The following GEMIN4 variants were observed in gnomAD, a reference collection of about 807,000 sequenced individuals.
The protein encoded by GEMIN4 is gem-associated protein 4.
Under a neutral mutation model 76.8 loss-of-function variants are expected in GEMIN4, and 59 were observed. The observed-to-expected ratio is 0.77, with a 90% CI of 0.62 to 0.95. The LOEUF is 0.95. GEMIN4 is among the 40% of genes least tolerant of loss of function. GEMIN4 has a pLI of 0.00. For synonymous variants in GEMIN4, 562 were observed against 559.7 expected, an observed-to-expected ratio of 1.00 and a Z score of -0.06; for missense variants, 1,311 against 1,318.9, an observed-to-expected ratio of 0.99 and a Z score of 0.09.
Position 747,730 on chromosome 17 carries a change from G to A in GEMIN4, c.313C>T (p.Pro105Ser). The change falls in exon 2 of 2, where the codon CCC becomes TCC. Residue 105 changes from proline to serine, a missense_variant. Physicochemically the swap from Pro to Ser is moderately conservative, Grantham distance 74 (BLOSUM62 -1). Around this residue, in one of 2 missense-constraint regions of GEMIN4, gnomAD observed 103 missense variants for 152.0 expected, o/e 0.68. Transcript: ENST00000319004. ...AAGAGGATGGTGTGGTTGATGGTGG[G>A]GATCATGTTGCCCACCGAGAAGAAC... ...DLFFSVGNMIPTINHTILFEL... is the reference protein window; with the variant it reads ...DLFFSVGNMISTINHTILFEL... 1 of 1,597,562 alleles carries A rather than the reference G, an allele frequency of 6.3e-7. No individual in the cohort carries two copies. Among genetic ancestry groups the A allele is most frequent in the South Asian group, 1.1e-5 (1 of 90,128 alleles).
Position 752,130 on chromosome 17 carries a change from C to A in GEMIN4, c.10+3G>T. ...CCCGGGGCCGGGGAGCCGCGGCACC[C>A]ACCTAGGTCCATGGCGGCGACGCCG... On this transcript the variant is annotated splice_donor_region_variant and intron_variant, in intron 1 of 1. Transcript: ENST00000319004. 2.4e-6 allele frequency: 3 copies of A among 1,239,462 alleles called. No individual in the cohort carries two copies. Among genetic ancestry groups the A allele is most frequent in the South Asian group, 8.0e-5 (2 of 24,936 alleles). 76.8% of individuals were successfully genotyped at this position (1,239,462 alleles called of 1,614,324 possible). A position where few individuals can be genotyped will look rare whatever the true frequency, so the allele number is the denominator to read the frequency against.
chr17:746,376 T>C lies in GEMIN4; in HGVS notation c.1667A>G (p.His556Arg), dbSNP rs200190989. 3.0e-3 allele frequency: 4,770 copies of C among 1,613,714 alleles called. 126 individuals carry two copies. The South Asian group carries it at 0.046, about 16-fold the overall frequency. The stretch of plus-strand genomic sequence containing the variant: ...CATTTTCTTCACCGTGACTTCCGGG[T>C]GCACTATGACCAGGCGGGCCACGGA... ...VASVARLVIV[H>R]PEVTVKKMCS... The change falls in exon 2 of 2, where the codon CAC (histidine) becomes CGC (arginine). Residue 556 changes from histidine to arginine, a missense_variant. Physicochemically the swap from His to Arg is conservative, Grantham distance 29. This residue lies in a region of GEMIN4 where 1,208 missense variants were observed against 1,166.9 expected (regional missense o/e 1.04). Coordinates refer to ENST00000319004, the MANE Select transcript of GEMIN4 (RefSeq NM_015721.3). The surrounding 1 kb of genome is among the most constrained non-coding windows in gnomAD (Gnocchi z 4.3).
upstream of GEMIN4, chr17:752,306 C>T (rs1461119171): frequency 1.6e-6 from 2 of 1,223,630 alleles, no homozygotes; most frequent in Admixed American, 4.3e-5. Context: ...CCGCCGCGCA[C>T]GCGCAGTCCT....
chr17:752,163 C>G lies in GEMIN4; in HGVS notation c.-21G>C. On this transcript the variant is annotated 5_prime_UTR_variant, in exon 1 of 2. Transcript: ENST00000319004. Reference sequence around the variant, plus strand: ...TCCATGGCGGCGACGCCGGCGGCTGCGCGGGGCTAACGCCCCCTCCCCTCC... The same window carrying G: ...TCCATGGCGGCGACGCCGGCGGCTGGGCGGGGCTAACGCCCCCTCCCCTCC... The G allele has an allele frequency of 8.1e-7, 1 of 1,234,250 alleles. No individual in the cohort carries two copies. The highest frequency in any genetic ancestry group is 1.0e-6 in the Non-Finnish European group (1 of 988,346). 76.5% of individuals were successfully genotyped at this position (1,234,250 alleles called of 1,614,324 possible). A position where few individuals can be genotyped will look rare whatever the true frequency, so the allele number is the denominator to read the frequency against.
At position 746,647 on chromosome 17, in the gene GEMIN4, T is replaced by C; in HGVS notation, c.1396A>G (p.Thr466Ala). The C allele has an allele frequency of 1.2e-6, 2 of 1,613,526 alleles. No homozygotes were observed. The highest frequency in any genetic ancestry group is 1.7e-6 in the Non-Finnish European group (2 of 1,179,846). Residue 466 changes from threonine to alanine, a missense_variant, in exon 2 of 2, where the codon ACA becomes GCA. Thr to Ala is a moderately conservative substitution (Grantham distance 58). Coordinates refer to ENST00000319004, the MANE Select transcript of GEMIN4 (RefSeq NM_015721.3). This position sits in a 1 kb window ranked among gnomAD's most constrained non-coding sequence, Gnocchi z 4.3. ...RLLETVIDVS[T>A]ADRAIPESQI... is the part of the protein sequence containing the mutation. ...GACTCAGGGATGGCTCTGTCAGCTG[T>C]GCTGACGTCTATCACTGTTTCCAGC... is the stretch of plus-strand genomic sequence containing the variant.
At position 748,005 on chromosome 17, in the gene GEMIN4, G is replaced by A. The variant is rs1332174961; in HGVS notation, c.38C>T (p.Thr13Ile). ...LGPLNICEEMTILHGGFLLAE... is the reference protein window; with the variant it reads ...LGPLNICEEMIILHGGFLLAE... ...CAGCAAGAAGCCTCCATGCAGAATA[G>A]TCATTTCTTCACAGATGTTCAAGGG... is the stretch of plus-strand genomic sequence containing the variant. The change falls in exon 2 of 2, where the codon ACT becomes ATT. Residue 13 changes from threonine to isoleucine, a missense_variant. Around this residue, in one of 2 missense-constraint regions of GEMIN4, gnomAD observed 103 missense variants for 152.0 expected, o/e 0.68. Coordinates refer to ENST00000319004, the MANE Select transcript of GEMIN4 (RefSeq NM_015721.3). The A allele has an allele frequency of 6.2e-7, 1 of 1,609,656 alleles. No homozygotes were observed. The highest frequency in any genetic ancestry group is 8.5e-7 in the Non-Finnish European group (1 of 1,178,110).
rs994519552 is a variant in GEMIN4 at position 744,467 on chromosome 17, A to G, written c.*399T>C. ...ATGCTTTTTCCACTCACATGGTTTC[A>G]ACTTTGGGCTTATTTGCCAAAATCT... On this transcript the variant is annotated 3_prime_UTR_variant, in exon 2 of 2. Transcript: ENST00000319004. 1.2e-5 allele frequency: 2 copies of G among 172,116 alleles called. No homozygotes were observed. The highest frequency in any genetic ancestry group is 4.8e-5 in the African/African-American group (2 of 41,866). 10.7% of individuals were successfully genotyped at this position (172,116 alleles called of 1,614,324 possible).
At chr17:748,082 T>C in intron 1 of GEMIN4, 50 bp from the exon 2 acceptor site, 1 of 1,374,664 alleles carries the variant, frequency 7.3e-7, no homozygotes, top group South Asian at 1.4e-5. Context: ...TGTTTCCAGA[T>C]GGCCACTGCT....
chr17:752,621 C>T, upstream of GEMIN4: 1 of 1,005,362 alleles, frequency 9.9e-7, no homozygotes, highest in Non-Finnish European at 1.2e-6. Context: ...CACATACAGT[C>T]CCTCAACGCG....
intron 1 of GEMIN4, chr17:748,540 T>G: frequency 5.6e-6 from 1 of 178,614 alleles, no homozygotes; most frequent in Non-Finnish European, 1.2e-5. Context: ...GCAGAGGATG[T>G]GGGGAGAGGG....
chr17:751,001 G>GT (rs1904649456), intron 1 of GEMIN4, among the ~76,000 whole-genome samples: 3 of 152,364 alleles, frequency 2.0e-5, no homozygotes, highest in African/African-American at 7.2e-5. Context: ...TTGAGCAGAT[G>GT]TTTGGCCCTA....
rs1362273517 is a variant in GEMIN4, at chr17:746,268, T to C, written c.1775A>G (p.Glu592Gly). The C allele has an allele frequency of 6.2e-7, 1 of 1,613,754 alleles. No individual in the cohort carries two copies. The highest frequency in any genetic ancestry group is 1.7e-5 in the Admixed American group (1 of 60,018). ...GGCAGATGAATTGGGACCCTGCTCT[T>C]CCACAAACCTAAGGGCAGGGAAGGC... ...LTAFPALRFV[E>G]EQGPNSSATF... Residue 592 changes from glutamate (E) to glycine (G), a missense_variant, in exon 2 of 2, where the codon GAA becomes GGA. Glu to Gly is a moderately conservative substitution (Grantham distance 98). This residue lies in a region of GEMIN4 where 1,208 missense variants were observed against 1,166.9 expected (regional missense o/e 1.04). Transcript: ENST00000319004. The surrounding 1 kb of genome is among the most constrained non-coding windows in gnomAD (Gnocchi z 4.3).
rs766146852 is a variant in GEMIN4 at position 745,940 on chromosome 17, C to T, written c.2103G>A (p.Leu701=). The stretch of plus-strand genomic sequence containing the variant: ...TGCTGAAGCGGTCCAAGAGCTGGCA[C>T]AAGCTGAAGAGGAGTGGAAACGGGG... ...TCSPFPLLFS[L]CQLLDRFSKY... Residue 701 remains leucine (L), a synonymous_variant, in exon 2 of 2, where the codon TTG becomes TTA. Coordinates refer to ENST00000319004, the MANE Select transcript of GEMIN4 (RefSeq NM_015721.3). This position sits in a 1 kb window ranked among gnomAD's most constrained non-coding sequence, Gnocchi z 4.6. 1.2e-6 allele frequency: 2 copies of T among 1,613,158 alleles called. No homozygotes were observed. The highest frequency in any genetic ancestry group is 8.5e-7 in the Non-Finnish European group (1 of 1,179,852).
chr17:751,162 C>G (rs1209561519), intron 1 of GEMIN4, among the ~76,000 whole-genome samples: 1 of 152,314 alleles, frequency 6.6e-6, no homozygotes, highest in East Asian at 1.9e-4. Context: ...AGCACCTACT[C>G]CATGCCAGAC....
In GEMIN4 at chr17:746,124, A is replaced by C. The variant is rs778323201; in HGVS notation, c.1919T>G (p.Ile640Ser). 6.2e-7 allele frequency: 1 copy of C among 1,613,956 alleles called. No homozygotes were observed. Among genetic ancestry groups the C allele is most frequent in the African/African-American group, 1.3e-5 (1 of 75,062 alleles). ...CLMSPVKPQG[I>S]PVAALLEPDE... ...TGGCTCAAGAAGAGCAGCCACTGGAATCCCTTGGGGTTTCACGGGACTCAT... is the reference window on the plus strand; with the variant it reads ...TGGCTCAAGAAGAGCAGCCACTGGACTCCCTTGGGGTTTCACGGGACTCAT... The change falls in exon 2 of 2, where the codon ATT (isoleucine) becomes AGT (serine). Residue 640 changes from isoleucine (I) to serine (S), a missense_variant. Transcript: ENST00000319004. The surrounding 1 kb of genome is among the most constrained non-coding windows in gnomAD (Gnocchi z 4.3).
In GEMIN4 at chr17:746,549, G is replaced by C. The variant is rs2144158484; in HGVS notation, c.1494C>G (p.Val498=). 1.9e-6 allele frequency: 3 copies of C among 1,613,832 alleles called. No homozygotes were observed. The highest frequency in any genetic ancestry group is 2.2e-5 in the East Asian group (1 of 44,882). The stretch of plus-strand genomic sequence containing the variant: ...CCCAGGAACGCAGGATACCTGCAAG[G>C]ACTTTATTTTTACCTGGCAGGGAGA... ...ADLSLPGKNK[V]LAGILRSWGR... is the part of the protein sequence containing the mutation. The change falls in exon 2 of 2, where the codon GTC becomes GTG. Residue 498 remains valine, a synonymous_variant. Transcript: ENST00000319004. This position sits in a 1 kb window ranked among gnomAD's most constrained non-coding sequence, Gnocchi z 4.3.
chr17:745,739 C>A lies in GEMIN4; in HGVS notation c.2304G>T (p.Trp768Cys), dbSNP rs774827354. 1.2e-5 allele frequency: 20 copies of A among 1,608,728 alleles called. No homozygotes were observed. The East Asian group carries it at 4.5e-4, about 36-fold the overall frequency. The change falls in exon 2 of 2, where the codon TGG (tryptophan) becomes TGT (cysteine). Residue 768 changes from tryptophan (W) to cysteine (C), a missense_variant. Coordinates refer to ENST00000319004, the MANE Select transcript of GEMIN4 (RefSeq NM_015721.3). The surrounding 1 kb of genome is among the most constrained non-coding windows in gnomAD (Gnocchi z 4.6). ...AGCTCTTCAGCCTCAGGCCCACAGT[C>A]CAGTCTAGCTGTTCTAACTTGCGGT... Reference protein sequence around the residue: ...WLHRKLEQLDWTVGLRLKSFF... With the variant: ...WLHRKLEQLDCTVGLRLKSFF...
chr17:752,711 G>A (rs1011280715), upstream of GEMIN4: 3 of 826,524 alleles, frequency 3.6e-6, no homozygotes, highest in African/African-American at 3.6e-5. Flanking sequence ...CCCAGAAAAT[G>A]CGCCGTGTGA....
Position 745,989 on chromosome 17 carries a change from T to C in GEMIN4, c.2054A>G (p.Glu685Gly), listed in dbSNP as rs1974390969. 2 of 1,613,360 alleles carry C rather than the reference T, an allele frequency of 1.2e-6. No individual in the cohort carries two copies. The highest frequency in any genetic ancestry group is 1.1e-5 in the South Asian group (1 of 91,088). Residue 685 changes from glutamate (E) to glycine (G), a missense_variant, in exon 2 of 2, where the codon GAG (glutamate) becomes GGG (glycine). By Grantham distance (98) the Glu-to-Gly change is moderately conservative. This residue lies in a region of GEMIN4 where 1,208 missense variants were observed against 1,166.9 expected (regional missense o/e 1.04). Transcript: ENST00000319004. The surrounding 1 kb of genome is among the most constrained non-coding windows in gnomAD (Gnocchi z 4.6). ...GGAGCAGGTCTGGAGCCAGTATTCC[T>C]CTCGGCACGCGTTTGCCTCTAGAGT... is the stretch of plus-strand genomic sequence containing the variant. ...IQTLEANACR[E>G]EYWLQTCSPF... is the part of the protein sequence containing the mutation.
Sources: allele counts gnomAD v4.1 joint callset (sites outside exome capture counted in the v4.1 genomes callset), GRCh38; gene constraint gnomAD v4.1.1; regional missense constraint gnomAD v4.1.1; non-coding constraint Gnocchi (gnomAD v3.1); transcripts MANE v1.5; gene names NCBI Gene and HGNC (gene_info 2026-07-23, HGNC 2026-07-21).